The following TPST1 variants were observed in gnomAD, a reference collection of about 807,000 sequenced individuals.
TPST1 encodes protein-tyrosine sulfotransferase 1.
Under a neutral mutation model 34.8 loss-of-function variants are expected in TPST1, and 20 were observed. The observed-to-expected ratio is 0.57, with a 90% CI of 0.40 to 0.84. The LOEUF (loss-of-function observed/expected upper bound fraction) is 0.84, where lower values mean the gene tolerates loss of function less well. Among genes scored for constraint, TPST1 ranks in the 40% least tolerant of loss-of-function variants. The probability of loss-of-function intolerance (pLI) is 0.00; values close to 1 mark genes in which losing one functional copy is unlikely to be tolerated. For missense variants in TPST1, 353 were observed against 455.5 expected (o/e 0.78, Z 2.05); for synonymous variants, 152 against 159.4 (o/e 0.95, Z 0.35).
intron 1 of TPST1, among the ~76,000 whole-genome samples, chr7:66,227,911 G>A (rs1045217192): frequency 2.6e-5 from 4 of 152,070 alleles, no homozygotes; most frequent in Admixed American, 1.3e-4. Context: ...AGTTATCATA[G>A]TAATATATCA....
chr7:66,308,107 T>G (rs1232090743), intron 3 of TPST1, among the ~76,000 whole-genome samples: 1 of 152,196 alleles, frequency 6.6e-6, no homozygotes, highest in Non-Finnish European at 1.5e-5. Flanking sequence ...TGTGCAGTCA[T>G]GTACACTGCT....
chr7:66,296,263 CACCG>C (rs1562832697), intron 3 of TPST1, among the ~76,000 whole-genome samples: 5 of 42,262 alleles, frequency 1.2e-4, no homozygotes, highest in African/African-American at 2.3e-4. Flanking sequence ...CCCCCTCCCC[CACCG>C]TCTCTGCCTA....
At chr7:66,258,133 A>G (rs80310411) in intron 2 of TPST1, among the ~76,000 whole-genome samples, 2 of 150,154 alleles carry the variant, frequency 1.3e-5, no homozygotes, top group African/African-American at 2.5e-5. Flanking sequence ...CTTACTCTCT[A>G]TGTCTGTTTT....
At chr7:66,314,808 CAT>C (rs1791600980) in intron 3 of TPST1, among the ~76,000 whole-genome samples, 1 of 152,136 alleles carries the variant, frequency 6.6e-6, no homozygotes, top group Non-Finnish European at 1.5e-5. Flanking sequence ...ATTATATAAA[CAT>C]ATCTAAACAT....
chr7:66,317,716 T>C (rs891831723), intron 3 of TPST1, among the ~76,000 whole-genome samples: 1 of 152,198 alleles, frequency 6.6e-6, no homozygotes, highest in Non-Finnish European at 1.5e-5. Context: ...GTCCCTTTTT[T>C]AAAACTATAT....
intron 3 of TPST1, among the ~76,000 whole-genome samples, chr7:66,345,330 C>G (rs946580337): frequency 1.9e-4 from 29 of 151,236 alleles, no homozygotes; most frequent in African/African-American, 6.8e-4. Context: ...AACCCTGTCT[C>G]TACTAAAAAT....
intron 2 of TPST1, among the ~76,000 whole-genome samples, chr7:66,255,822 G>T (rs1038396798): frequency 6.6e-6 from 1 of 151,738 alleles, no homozygotes; most frequent in Non-Finnish European, 1.5e-5. Flanking sequence ...TGTACTTTTA[G>T]TACTGTCAAA....
intron 2 of TPST1, among the ~76,000 whole-genome samples, chr7:66,241,674 G>T (rs1790039383): frequency 6.6e-6 from 1 of 152,112 alleles, no homozygotes; most frequent in Non-Finnish European, 1.5e-5. Flanking sequence ...TGTGGATTAA[G>T]GTTAAAATCA....
chr7:66,250,907 A>G (rs1032605295), intron 2 of TPST1, among the ~76,000 whole-genome samples: 16 of 152,218 alleles, frequency 1.1e-4, no homozygotes, highest in African/African-American at 3.9e-4. Flanking sequence ...GTGAGTGTAC[A>G]TTGCATGGAC....
chr7:66,231,681 C>G (rs1202361966), intron 1 of TPST1, among the ~76,000 whole-genome samples: 1 of 152,262 alleles, frequency 6.6e-6, no homozygotes, highest in African/African-American at 2.4e-5. Flanking sequence ...AGCTAGCCCG[C>G]AAGCACCACG....
chr7:66,258,498 T>C (rs893903484), intron 2 of TPST1, among the ~76,000 whole-genome samples: 6 of 152,250 alleles, frequency 3.9e-5, no homozygotes, highest in African/African-American at 1.4e-4. Flanking sequence ...TTGCTGTGCT[T>C]CCCTGAATCT....
intron 3 of TPST1, among the ~76,000 whole-genome samples, chr7:66,317,586 G>T (rs77715592): frequency 0.015 from 2,208 of 151,012 alleles, 62 homozygotes; most frequent in East Asian, 0.094. Flanking sequence ...TTCATTCTTT[G>T]AGTCTTTGTG....
chr7:66,235,781 A>G (rs1259115966), intron 1 of TPST1, among the ~76,000 whole-genome samples: 2 of 151,836 alleles, frequency 1.3e-5, no homozygotes, highest in Non-Finnish European at 2.9e-5. Flanking sequence ...TGAGACATCA[A>G]TCAATATATG....
At chr7:66,237,949 G>A (rs1358952513) in intron 1 of TPST1, among the ~76,000 whole-genome samples, 2 of 152,140 alleles carry the variant, frequency 1.3e-5, no homozygotes, top group African/African-American at 4.8e-5. Flanking sequence ...AACTGTTACA[G>A]GGAGGCCTGG....
At chr7:66,308,775 A>G (rs1791472753) in intron 3 of TPST1, among the ~76,000 whole-genome samples, 1 of 152,142 alleles carries the variant, frequency 6.6e-6, no homozygotes, top group Admixed American at 6.6e-5. Context: ...TCACCAATGT[A>G]TTTCTCAAAG....
chr7:66,203,299 G>A (rs1031004618), upstream of TPST1, among the ~76,000 whole-genome samples: 3 of 151,730 alleles, frequency 2.0e-5, no homozygotes, highest in African/African-American at 7.3e-5. Flanking sequence ...GAGTGCAGTG[G>A]TGCCATCATG....
chr7:66,320,601 G>T (rs547910714), intron 3 of TPST1, among the ~76,000 whole-genome samples: 1 of 149,806 alleles, frequency 6.7e-6, no homozygotes, highest in African/African-American at 2.5e-5. Context: ...TGTAGTCATA[G>T]TTTTTTTTGT....
At chr7:66,347,242 A>G (rs945543573) in intron 3 of TPST1, among the ~76,000 whole-genome samples, 5 of 150,670 alleles carry the variant, frequency 3.3e-5, no homozygotes, top group Non-Finnish European at 7.4e-5. Context: ...TAATTTTTGT[A>G]TTTTGAGTAG....
chr7:66,351,690 T>C (rs1027600687), intron 3 of TPST1, among the ~76,000 whole-genome samples: 2 of 149,896 alleles, frequency 1.3e-5, no homozygotes, highest in African/African-American at 4.9e-5. Flanking sequence ...AAAAAAAGCA[T>C]GCTAGAATTT....
Sources: allele counts gnomAD v4.1 joint callset (sites outside exome capture counted in the v4.1 genomes callset), GRCh38; gene constraint gnomAD v4.1.1; transcripts MANE v1.5; gene names NCBI Gene and HGNC (gene_info 2026-07-23, HGNC 2026-07-21).